CACNA1D: variants seen among roughly 807,000 people sequenced by gnomAD.
CACNA1D encodes the protein voltage-dependent L-type calcium channel subunit alpha-1D.
CACNA1D carries 55 observed loss-of-function variants against 257.1 expected under a neutral mutation model. The observed-to-expected ratio is 0.21, with a 90% CI of 0.17 to 0.27. The LOEUF (loss-of-function observed/expected upper bound fraction) is 0.27. Among genes scored for constraint, CACNA1D ranks in the 10% least tolerant of loss-of-function variants. The pLI is 1.00. For missense variants in CACNA1D, 1,876 were observed against 2,784.0 expected (o/e 0.67, Z 7.34); for synonymous variants, 980 against 1,014.9 (o/e 0.97, Z 0.65).
At position 53,536,904 on chromosome 3, in the gene CACNA1D, A is replaced by G. The variant is rs2092130457; in HGVS notation, c.483+35184A>G. 3.3e-5 allele frequency among the ~76,000 whole-genome samples: 5 copies of G among 152,340 alleles called. No homozygotes were observed. In the South Asian group the frequency reaches 8.3e-4, roughly 25 times the overall value. ...GATGGTGAGGAATTTTAGTTCTCCT[A>G]TGTGTTAACTGATACATGATTTCGT... On this transcript the variant is annotated intron_variant, in intron 3 of 47. Coordinates refer to ENST00000350061, the MANE Select transcript of CACNA1D (RefSeq NM_001128840.3).
At chr3:53,607,265 C>T (rs1042766526) in intron 3 of CACNA1D, among the ~76,000 whole-genome samples, 24 of 152,152 alleles carry the variant, frequency 1.6e-4, no homozygotes, top group African/African-American at 5.3e-4. Flanking sequence ...TGGTGATACA[C>T]CTGTGAACGT....
chr3:53,785,431 G>A (rs1477965690), intron 39 of CACNA1D: 1 of 152,240 alleles, frequency 6.6e-6, no homozygotes, highest in Non-Finnish European at 1.5e-5. Context: ...GAGGCCTGGA[G>A]AGGCAGCCCA....
intron 3 of CACNA1D, among the ~76,000 whole-genome samples, chr3:53,589,421 G>A (rs761325641): frequency 6.6e-6 from 1 of 152,058 alleles, no homozygotes; most frequent in East Asian, 1.9e-4. Context: ...ACGAACTCCC[G>A]CCAAGAGGAA....
At position 53,764,346 on chromosome 3, in the gene CACNA1D, C is replaced by G. The variant is rs562049623; in HGVS notation, c.3870+2265C>G. 2.0e-5 allele frequency among the ~76,000 whole-genome samples: 3 copies of G among 152,210 alleles called. No homozygotes were observed. The South Asian group carries it at 6.2e-4, about 32-fold the overall frequency. ...CAACGCAAAGTGCTTACAATCTACTCGGAGGTATATTTACATGAAAATTCT... is the reference window on the plus strand; with the variant it reads ...CAACGCAAAGTGCTTACAATCTACTGGGAGGTATATTTACATGAAAATTCT... On this transcript the variant is annotated intron_variant, in intron 30 of 47. Coordinates refer to ENST00000350061, the MANE Select transcript of CACNA1D (RefSeq NM_001128840.3).
chr3:53,752,690 G>C (rs939303141), intron 28 of CACNA1D, among the ~76,000 whole-genome samples: 1 of 152,162 alleles, frequency 6.6e-6, no homozygotes, highest in Non-Finnish European at 1.5e-5. Context: ...GAGCCACCGC[G>C]CCCGGCACCT....
chr3:53,538,928 G>A (rs1199640814), intron 3 of CACNA1D, among the ~76,000 whole-genome samples: 1 of 152,100 alleles, frequency 6.6e-6, no homozygotes, highest in Admixed American at 6.5e-5. Flanking sequence ...CACCGCAGGG[G>A]ATCCCTTTCT....
intron 8 of CACNA1D, among the ~76,000 whole-genome samples, chr3:53,689,178 G>A (rs527926342): frequency 1.3e-5 from 2 of 152,212 alleles, no homozygotes; most frequent in South Asian, 2.1e-4. Flanking sequence ...GACAGGATTC[G>A]TTAGGATGGT....
Position 53,811,085 on chromosome 3 carries a change from A to G in CACNA1D, c.6193-28A>G. The G allele has an allele frequency of 1.9e-6, 3 of 1,599,562 alleles. No homozygotes were observed. The highest frequency in any genetic ancestry group is 1.7e-6 in the Non-Finnish European group (2 of 1,167,044). ...CCCTGCAAAGCCTTATAACACCCCC[A>G]TGCCATCCATCCCTCTTTTCTGTAC... On this transcript the variant is annotated intron_variant, in intron 47 of 47. Transcript: ENST00000350061. The surrounding 1 kb of genome is among the most constrained non-coding windows in gnomAD (Gnocchi z 4.2).
At chr3:53,620,400 C>T (rs1242522663) in intron 3 of CACNA1D, among the ~76,000 whole-genome samples, 2 of 152,220 alleles carry the variant, frequency 1.3e-5, no homozygotes, top group Admixed American at 6.5e-5. Flanking sequence ...AAGTAATCCT[C>T]CTGCCTCAGC....
chr3:53,525,686 A>T (rs982578261), intron 3 of CACNA1D, among the ~76,000 whole-genome samples: 1 of 152,140 alleles, frequency 6.6e-6, no homozygotes, highest in Admixed American at 6.5e-5. Flanking sequence ...TGTGCCAAGG[A>T]TCAGCCCAAT....
chr3:53,771,867 T>C (rs2095368115), intron 32 of CACNA1D, among the ~76,000 whole-genome samples: 1 of 152,218 alleles, frequency 6.6e-6, no homozygotes, highest in Non-Finnish European at 1.5e-5. Flanking sequence ...AAACGAACTC[T>C]GTGGGACCCT....
At chr3:53,768,815 C>T (rs1372665281) in intron 30 of CACNA1D, among the ~76,000 whole-genome samples, 1 of 152,208 alleles carries the variant, frequency 6.6e-6, no homozygotes, top group Non-Finnish European at 1.5e-5. Flanking sequence ...CAGAACTGAG[C>T]TCTACCTTTC....
chr3:53,497,884 A>G (rs2090420048), intron 2 of CACNA1D, among the ~76,000 whole-genome samples: 1 of 152,240 alleles, frequency 6.6e-6, no homozygotes, highest in Admixed American at 6.5e-5. Context: ...TTTGAAGGGA[A>G]TACATTTTTG....
intron 3 of CACNA1D, among the ~76,000 whole-genome samples, chr3:53,507,081 A>C (rs937036923): frequency 6.6e-6 from 1 of 151,066 alleles, no homozygotes; most frequent in Admixed American, 6.6e-5. Context: ...TCAAAAAAAA[A>C]AAAAAAAAAA....
intron 3 of CACNA1D, among the ~76,000 whole-genome samples, chr3:53,590,192 T>C (rs2093282868): frequency 6.6e-6 from 1 of 152,254 alleles, no homozygotes; most frequent in African/African-American, 2.4e-5. Context: ...TTCTGCTTCA[T>C]GAGCTGCCTT....
At chr3:53,689,274 G>T (rs1043357728) in intron 8 of CACNA1D, among the ~76,000 whole-genome samples, 4 of 143,698 alleles carry the variant, frequency 2.8e-5, no homozygotes, top group African/African-American at 1.2e-4. Context: ...AGGCTGCCAG[G>T]GTGCTCCGTG....
intron 37 of CACNA1D, 65 bp from the exon 38 acceptor site, chr3:53,779,961 C>A: frequency 9.0e-7 from 1 of 1,112,682 alleles, no homozygotes; most frequent in Non-Finnish European, 1.4e-6. Context: ...AAATAAACAT[C>A]CAAAAGGATA....
chr3:53,588,786 G>C (rs566981140), intron 3 of CACNA1D, among the ~76,000 whole-genome samples: 1 of 152,240 alleles, frequency 6.6e-6, no homozygotes, highest in Admixed American at 6.5e-5. Context: ...CATTCTGAAA[G>C]TTAGGAAATT....
chr3:53,647,729 G>A (rs1417533188), intron 3 of CACNA1D, among the ~76,000 whole-genome samples: 1 of 152,226 alleles, frequency 6.6e-6, no homozygotes, highest in African/African-American at 2.4e-5. Context: ...TGAATGTGGA[G>A]GGATACCTGT....
Sources: gnomAD v4.1 joint callset for allele counts (sites outside exome capture counted in the v4.1 genomes callset) on GRCh38, gnomAD v4.1.1 for gene constraint, Gnocchi (gnomAD v3.1) non-coding constraint, MANE v1.5 for transcripts, NCBI Gene and HGNC (gene_info 2026-07-23, HGNC 2026-07-21) for gene names.